Variants in WDR4 observed in about 807,000 individuals in gnomAD.
WDR4 encodes tRNA (guanine-N(7)-)-methyltransferase non-catalytic subunit WDR4.
In WDR4, 47 loss-of-function variants were observed where a neutral mutation model predicts 48.6. That is an observed-to-expected ratio of 0.97 (90% CI 0.77 to 1.23). The LOEUF (loss-of-function observed/expected upper bound fraction) is 1.23. Among genes scored for constraint, WDR4 ranks in the 50% most tolerant of loss-of-function variants. The pLI is 0.00. For synonymous variants in WDR4, 268 were observed against 230.0 expected (o/e 1.17, Z -1.49); for missense variants, 606 against 551.6 (o/e 1.10, Z -0.99).
intron 9 of WDR4, among the ~76,000 whole-genome samples, chr21:42,853,095 G>A (rs1319302376): frequency 6.6e-6 from 1 of 152,050 alleles, no homozygotes; most frequent in African/African-American, 2.4e-5. Context: ...GAAGCAGCTC[G>A]GCCCGCCGCC....
At chr21:42,867,075 T>C (rs1376885056) in intron 3 of WDR4, among the ~76,000 whole-genome samples, 2 of 152,244 alleles carry the variant, frequency 1.3e-5, no homozygotes, top group East Asian at 3.9e-4. Context: ...TACACGAAGT[T>C]ATACTGCTGA....
At chr21:42,859,825 C>A in intron 5 of WDR4, 103 bp from the exon 6 acceptor site, 2 of 1,149,388 alleles carry the variant, frequency 1.7e-6, no homozygotes, top group Non-Finnish European at 2.6e-6. Context: ...GAAGCCTCTG[C>A]CCTAAACCCC....
chr21:42,864,406 G>A (rs1001611746), intron 3 of WDR4, among the ~76,000 whole-genome samples: 9 of 152,124 alleles, frequency 5.9e-5, no homozygotes, highest in African/African-American at 1.4e-4. Flanking sequence ...CCTGCTGCTC[G>A]TTCTGCTGCG....
downstream of WDR4, among the ~76,000 whole-genome samples, chr21:42,848,228 C>T (rs2057727886): frequency 1.3e-5 from 2 of 152,186 alleles, no homozygotes; most frequent in Admixed American, 1.3e-4. Flanking sequence ...AGGTAGGAGC[C>T]GGCCTGAACG....
At chr21:42,872,259 G>A (rs963250200) in intron 3 of WDR4, among the ~76,000 whole-genome samples, 13 of 152,076 alleles carry the variant, frequency 8.5e-5, no homozygotes, top group African/African-American at 2.4e-4. Context: ...AAAGTGCTAG[G>A]ATTACAGGTG....
intron 6 of WDR4, among the ~76,000 whole-genome samples, chr21:42,856,669 A>G (rs1012540916): frequency 7.9e-5 from 12 of 152,338 alleles, no homozygotes; most frequent in South Asian, 4.1e-4. Context: ...AAGTATTTTT[A>G]AATGACTAAA....
chr21:42,891,215 G>A, the WDR4 span, among the ~76,000 whole-genome samples: 2 of 151,978 alleles, frequency 1.3e-5, no homozygotes, highest in Admixed American at 6.6e-5. Context: ...CCAGCTACTG[G>A]GGAGGCTGAG....
intron 3 of WDR4, among the ~76,000 whole-genome samples, chr21:42,866,013 C>G (rs1240844052): frequency 1.3e-5 from 2 of 152,196 alleles, no homozygotes; most frequent in African/African-American, 4.8e-5. Flanking sequence ...TCTCCACCCC[C>G]TGGGCAGAGC....
At chr21:42,852,996 C>T (rs749586328) in intron 9 of WDR4, among the ~76,000 whole-genome samples, 1 of 152,074 alleles carries the variant, frequency 6.6e-6, no homozygotes, top group Non-Finnish European at 1.5e-5. Context: ...TCCACAGCAA[C>T]CCTGTGAGAC....
chr21:42,868,213 C>T (rs535219984), intron 3 of WDR4, among the ~76,000 whole-genome samples: 47 of 152,310 alleles, frequency 3.1e-4, no homozygotes, highest in African/African-American at 1.1e-3. Flanking sequence ...TGGGCCTCCG[C>T]GCTTCCATCA....
chr21:42,865,296 A>G (rs965486163), intron 3 of WDR4, among the ~76,000 whole-genome samples: 3 of 152,236 alleles, frequency 2.0e-5, no homozygotes, highest in Non-Finnish European at 4.4e-5. Context: ...TTAAACAAAC[A>G]GCCCTGCACT....
chr21:42,857,489 C>T (rs2146024678), intron 6 of WDR4, among the ~76,000 whole-genome samples: 1 of 152,290 alleles, frequency 6.6e-6, no homozygotes, highest in African/African-American at 2.4e-5. Flanking sequence ...CATCGCCAGA[C>T]ATCCGAGGAA....
chr21:42,860,619 G>C (rs8133118), intron 5 of WDR4, among the ~76,000 whole-genome samples: 2 of 152,196 alleles, frequency 1.3e-5, no homozygotes, highest in Non-Finnish European at 2.9e-5. Context: ...CGCCCTGCAC[G>C]GCACCACAGC....
In WDR4 at chr21:42,852,327, G is replaced by A. The variant is rs1444999175; in HGVS notation, c.976-3C>T. ...AACACGGTGCTCTCAGGAACAGACT[G>A]CAGGCGACAAACAGGAAATCTTCAT... On this transcript the variant is annotated splice_region_variant and splice_polypyrimidine_tract_variant and intron_variant, in intron 9 of 10. Transcript: ENST00000398208. 103 of 1,613,808 alleles carry A rather than the reference G, an allele frequency of 6.4e-5. No homozygotes were observed. In the Admixed American group the frequency reaches 1.5e-3, roughly 24 times the overall value.
intron 11 of WDR4, among the ~76,000 whole-genome samples, chr21:42,844,126 A>G (rs1569306428): frequency 6.6e-6 from 1 of 152,342 alleles, no homozygotes; most frequent in Non-Finnish European, 1.5e-5. Context: ...AATCTACCAA[A>G]AATGAAACGC....
chr21:42,864,010 G>A lies in WDR4; in HGVS notation c.297-414C>T, dbSNP rs967026350. On this transcript the variant is annotated intron_variant, in intron 3 of 10. Transcript: ENST00000398208. ...TAGTCCCAGCTACTCGGGAGGCTGAGGCGGGAGAATGGCGTGAACCCGGGA... is the reference window on the plus strand; with the variant it reads ...TAGTCCCAGCTACTCGGGAGGCTGAAGCGGGAGAATGGCGTGAACCCGGGA... Among the ~76,000 whole-genome samples, 6 of 82,010 alleles carry A rather than the reference G, an allele frequency of 7.3e-5. 3 individuals are homozygous for A. Among genetic ancestry groups the A allele is most frequent in the African/African-American group, 5.5e-4 (6 of 10,866 alleles). 53.8% of individuals were successfully genotyped at this position (82,010 alleles called of 152,430 possible).
chr21:42,860,810 T>C (rs1390121278), intron 5 of WDR4, among the ~76,000 whole-genome samples: 1 of 152,204 alleles, frequency 6.6e-6, no homozygotes, highest in Non-Finnish European at 1.5e-5. Context: ...CACCTACTCA[T>C]GCCAGGCACC....
At chr21:42,844,684 C>G (rs915894675), downstream of WDR4, among the ~76,000 whole-genome samples, 2 of 152,180 alleles carry the variant, frequency 1.3e-5, no homozygotes, top group Non-Finnish European at 2.9e-5. Context: ...GCAGGAAGCC[C>G]GGGGCAGGAG....
chr21:42,889,302 C>T, the WDR4 span, among the ~76,000 whole-genome samples: 55 of 152,182 alleles, frequency 3.6e-4, 1 homozygote, highest in South Asian at 9.3e-3. Context: ...TTTTTTAAAA[C>T]TTGAGATGTC....
Sources: gnomAD v4.1 joint callset for allele counts (sites outside exome capture counted in the v4.1 genomes callset) on GRCh38, gnomAD v4.1.1 for gene constraint, MANE v1.5 for transcripts, NCBI Gene and HGNC (gene_info 2026-07-23, HGNC 2026-07-21) for gene names.